FRMD4A: variants seen among roughly 807,000 people sequenced by gnomAD.
FRMD4A encodes the protein FERM domain-containing protein 4A.
In FRMD4A, 29 loss-of-function variants were observed where a neutral mutation model predicts 129.1. The observed-to-expected ratio is 0.22, with a 90% CI of 0.17 to 0.31. The LOEUF (loss-of-function observed/expected upper bound fraction) is 0.31, where lower values mean the gene tolerates loss of function less well. Among genes scored for constraint, FRMD4A ranks in the 10% least tolerant of loss-of-function variants. The probability of loss-of-function intolerance (pLI) is 1.00; values close to 1 mark genes in which losing one functional copy is unlikely to be tolerated. For missense variants in FRMD4A, 1,272 were observed against 1,375.8 expected, an observed-to-expected ratio of 0.92 and a Z score of 1.19; for synonymous variants, 634 against 571.6, an observed-to-expected ratio of 1.11 and a Z score of -1.56.
At chr10:14,061,326 C>T (rs1397594646) in intron 2 of FRMD4A, among the ~76,000 whole-genome samples, 2 of 152,126 alleles carry the variant, frequency 1.3e-5, no homozygotes. Context: ...GTGATGTGCA[C>T]CTGCAATCCC....
chr10:14,193,217 T>C (rs1206986640), intron 2 of FRMD4A, among the ~76,000 whole-genome samples: 1 of 152,224 alleles, frequency 6.6e-6, no homozygotes, highest in Admixed American at 6.5e-5. Flanking sequence ...TTTACCTTGC[T>C]TTCTCCCTGA....
chr10:14,188,413 C>G (rs1413095383), intron 2 of FRMD4A, among the ~76,000 whole-genome samples: 2 of 152,172 alleles, frequency 1.3e-5, no homozygotes, highest in African/African-American at 4.8e-5. Context: ...TTCACTTTGG[C>G]TTTTAGAATC....
intron 6 of FRMD4A, among the ~76,000 whole-genome samples, chr10:13,780,696 A>C (rs2092711486): frequency 6.6e-6 from 1 of 152,180 alleles, no homozygotes; most frequent in Non-Finnish European, 1.5e-5. Context: ...CAAATGTTGG[A>C]GAGGATGTGG....
intron 2 of FRMD4A, among the ~76,000 whole-genome samples, chr10:13,885,599 G>T (rs1446451755): frequency 1.3e-5 from 2 of 152,114 alleles, no homozygotes; most frequent in Non-Finnish European, 2.9e-5. Context: ...TGTTTGATTG[G>T]CTGGATAACC....
chr10:14,146,923 A>G (rs1280994440), intron 2 of FRMD4A, among the ~76,000 whole-genome samples: 1 of 152,222 alleles, frequency 6.6e-6, no homozygotes, highest in Non-Finnish European at 1.5e-5. Context: ...ATTACAGCAA[A>G]TATCATCATC....
chr10:13,693,407 C>G (rs1268508753), intron 15 of FRMD4A: 1 of 550,310 alleles, frequency 1.8e-6, no homozygotes, highest in Non-Finnish European at 2.5e-6. Context: ...TTTCAAAAGG[C>G]ACTGAATGGA....
chr10:14,322,025 G>C (rs369528454), intron 2 of FRMD4A, among the ~76,000 whole-genome samples: 1 of 152,274 alleles, frequency 6.6e-6, no homozygotes, highest in South Asian at 2.1e-4. Flanking sequence ...ATGATTGTAA[G>C]TTTCCTGAGG....
chr10:14,292,352 G>T (rs929793259), intron 2 of FRMD4A, among the ~76,000 whole-genome samples: 4 of 152,204 alleles, frequency 2.6e-5, no homozygotes, highest in African/African-American at 9.6e-5. Context: ...CTTATATGGA[G>T]ATTTGTCACA....
intron 3 of FRMD4A, among the ~76,000 whole-genome samples, chr10:13,848,631 T>C (rs1325126171): frequency 1.5e-5 from 2 of 136,350 alleles, no homozygotes; most frequent in African/African-American, 5.3e-5. Flanking sequence ...TGTGTGTGTG[T>C]GTGTGTGTAA....
chr10:13,834,788 G>T (rs1368968745), intron 3 of FRMD4A, among the ~76,000 whole-genome samples: 1 of 152,104 alleles, frequency 6.6e-6, no homozygotes, highest in Non-Finnish European at 1.5e-5. Context: ...ATTAACAGTG[G>T]GTGATTTAAA....
intron 2 of FRMD4A, among the ~76,000 whole-genome samples, chr10:14,246,431 G>A (rs1214962429): frequency 6.6e-6 from 1 of 151,580 alleles, no homozygotes; most frequent in African/African-American, 2.4e-5. Flanking sequence ...ACACTTTCAT[G>A]CACTCATACA....
chr10:14,032,006 C>T lies in FRMD4A; in HGVS notation c.46-173094G>A, dbSNP rs1413907505. Among the ~76,000 whole-genome samples the T allele has an allele frequency of 2.0e-5, 3 of 152,006 alleles. No individual in the cohort carries two copies. In the East Asian group the frequency reaches 5.8e-4, roughly 29 times the overall value. On this transcript the variant is annotated intron_variant, in intron 2 of 24. Coordinates refer to ENST00000357447, the MANE Select transcript of FRMD4A (RefSeq NM_018027.5). ...TTTAATTTTTTGAGATGGGGTCTTT[C>T]TATGTTGCCCAGGCTGACCCTGAAC...
chr10:14,147,157 T>G (rs941558379), intron 2 of FRMD4A, among the ~76,000 whole-genome samples: 27 of 152,170 alleles, frequency 1.8e-4, no homozygotes, highest in African/African-American at 6.5e-4. Flanking sequence ...ACATTTTCCT[T>G]TTCTTATGCC....
At chr10:14,280,676 G>C (rs1350088358) in intron 2 of FRMD4A, among the ~76,000 whole-genome samples, 1 of 152,096 alleles carries the variant, frequency 6.6e-6, no homozygotes, top group East Asian at 1.9e-4. Flanking sequence ...AAACACCTTG[G>C]TCTTTGTATG....
intron 2 of FRMD4A, among the ~76,000 whole-genome samples, chr10:14,020,928 G>C (rs1011667898): frequency 6.6e-6 from 1 of 152,140 alleles, no homozygotes; most frequent in African/African-American, 2.4e-5. Context: ...TTTTCTAGGG[G>C]CAAGGCAAGG....
intron 19 of FRMD4A, 52 bp from the exon 20 acceptor site, chr10:13,660,605 G>T (rs905477192): frequency 2.5e-6 from 3 of 1,181,366 alleles, no homozygotes; most frequent in South Asian, 2.7e-5. Flanking sequence ...CTTCCCACAG[G>T]CTGAGACAGA....
At chr10:14,194,512 G>A (rs1235744570) in intron 2 of FRMD4A, among the ~76,000 whole-genome samples, 1 of 152,218 alleles carries the variant, frequency 6.6e-6, no homozygotes, top group Non-Finnish European at 1.5e-5. Flanking sequence ...TCGGGAGGCT[G>A]AGGCAGGAGA....
chr10:13,991,386 C>A (rs1406748952), intron 2 of FRMD4A, among the ~76,000 whole-genome samples: 1 of 152,140 alleles, frequency 6.6e-6, no homozygotes, highest in Admixed American at 6.6e-5. Context: ...GGGCATCAGG[C>A]GCGGAGATTC....
At chr10:13,848,941 G>A (rs1362941112) in intron 3 of FRMD4A, among the ~76,000 whole-genome samples, 1 of 152,114 alleles carries the variant, frequency 6.6e-6, no homozygotes, top group Non-Finnish European at 1.5e-5. Context: ...ATTTACCATT[G>A]CGTTATCTGT....
Sources: allele counts gnomAD v4.1 joint callset (sites outside exome capture counted in the v4.1 genomes callset), GRCh38; gene constraint gnomAD v4.1.1; transcripts MANE v1.5; gene names NCBI Gene and HGNC (gene_info 2026-07-23, HGNC 2026-07-21).